The following CCDC18 variants were observed in gnomAD, a reference collection of about 807,000 sequenced individuals.
CCDC18 encodes the protein coiled-coil domain-containing protein 18.
A neutral mutation model predicts 196.0 loss-of-function variants in CCDC18; 157 were observed. That is an observed-to-expected ratio of 0.80 (90% CI 0.70 to 0.91). CCDC18 has a LOEUF of 0.91. CCDC18 is among the 40% of genes least tolerant of loss of function. CCDC18 has a pLI of 0.00. For synonymous variants in CCDC18, 482 were observed against 529.2 expected, an observed-to-expected ratio of 0.91 and a Z score of 1.22; for missense variants, 1,465 against 1,611.6, an observed-to-expected ratio of 0.91 and a Z score of 1.56.
chr1:93,196,235 G>C (rs1227063832), intron 6 of CCDC18, among the ~76,000 whole-genome samples: 1 of 152,112 alleles, frequency 6.6e-6, no homozygotes, highest in Non-Finnish European at 1.5e-5. Flanking sequence ...AGGTGAAAGG[G>C]ATTGCTTGAG....
intron 16 of CCDC18, among the ~76,000 whole-genome samples, chr1:93,224,006 G>C (rs779243308): frequency 6.6e-6 from 1 of 151,616 alleles, no homozygotes; most frequent in Non-Finnish European, 1.5e-5. Context: ...TTCAAACTCT[G>C]TTCAAATAAG....
chr1:93,183,440 C>T lies in CCDC18; in HGVS notation c.79C>T (p.His27Tyr). The T allele has an allele frequency of 6.2e-7, 1 of 1,607,492 alleles. No homozygotes were observed. The highest frequency in any genetic ancestry group is 8.5e-7 in the Non-Finnish European group (1 of 1,176,336). Residue 27 changes from histidine (H) to tyrosine (Y), a missense_variant, in exon 2 of 29, where the codon CAT becomes TAT. His to Tyr is a moderately conservative substitution (Grantham distance 83). Coordinates refer to ENST00000690025, the MANE Select transcript of CCDC18 (RefSeq NM_001378204.1). The part of the protein sequence containing the change: ...SLLANVASLR[H>Y]ELKITEWSLQ... ...GCTTGCAAATGTTGCTTCCTTAAGA[C>T]ATGAACTGAAGATAACAGAATGGAG... is the stretch of plus-strand genomic sequence containing the variant.
rs754530618 is a variant in CCDC18, at chr1:93,258,785, CT to C, written c.3586del (p.Ser1196LeufsTer8). 7.6e-6 allele frequency: 12 copies of C among 1,583,242 alleles called. No individual in the cohort carries two copies. The highest frequency in any genetic ancestry group is 9.4e-6 in the Non-Finnish European group (11 of 1,165,440). ...HGNHLAEELG[A>X]SKVREAHLEA... ...AACCATTTAGCTGAAGAACTGGGGG[CT>C]TCTAAAGTACGTGAAGCTCATTTAG... On this transcript the variant is annotated frameshift_variant, in exon 26 of 29. Transcript: ENST00000690025. LOFTEE classifies it high-confidence loss of function.
Position 93,217,883 on chromosome 1 carries a change from A to T in CCDC18, c.1962+14A>T. 6.3e-6 allele frequency: 10 copies of T among 1,587,902 alleles called. No homozygotes were observed. The highest frequency in any genetic ancestry group is 8.6e-6 in the Non-Finnish European group (10 of 1,163,430). The stretch of plus-strand genomic sequence containing the variant: ...CAGATTGAAAGAGTAAGTAATACAT[A>T]TTTAGAATATGAGTGCTGAAAAGAA... On this transcript the variant is annotated intron_variant, in intron 14 of 28. Transcript: ENST00000690025.
chr1:93,256,648 TG>T, intron 25 of CCDC18, 110 bp downstream of exon 25: 1 of 860,448 alleles, frequency 1.2e-6, no homozygotes, highest in Non-Finnish European at 1.8e-6. Flanking sequence ...TGCACAACAG[TG>T]TGAATGTACT....
intron 28 of CCDC18, among the ~76,000 whole-genome samples, chr1:93,272,655 G>A (rs1299859145): frequency 2.0e-5 from 3 of 152,192 alleles, no homozygotes; most frequent in Admixed American, 1.3e-4. Context: ...GCCTAACAAT[G>A]GGAATGAAAG....
Position 93,232,419 on chromosome 1 carries a change from T to TA in CCDC18, c.2293-7_2293-6insA. On this transcript the variant is annotated splice_polypyrimidine_tract_variant and splice_region_variant and intron_variant, in intron 17 of 28. Coordinates refer to ENST00000690025, the MANE Select transcript of CCDC18 (RefSeq NM_001378204.1). ...TGTATTGAGAGATATATATATATAT[T>TA]TGCCAGGTATATTGTTTACAGAAAG... The TA allele has an allele frequency of 6.7e-7, 1 of 1,494,374 alleles. No homozygotes were observed. The highest frequency in any genetic ancestry group is 9.2e-7 in the Non-Finnish European group (1 of 1,089,100). 92.6% of individuals were successfully genotyped at this position (1,494,374 alleles called of 1,614,324 possible).
intron 6 of CCDC18, among the ~76,000 whole-genome samples, chr1:93,198,834 C>G (rs1478106647): frequency 2.6e-5 from 4 of 152,038 alleles, no homozygotes; most frequent in Non-Finnish European, 5.9e-5. Flanking sequence ...TTTTTTTACA[C>G]ATGGGTCTCA....
intron 14 of CCDC18, among the ~76,000 whole-genome samples, chr1:93,219,534 C>CT (rs1657070781): frequency 6.6e-6 from 1 of 152,194 alleles, no homozygotes; most frequent in South Asian, 2.1e-4. Context: ...AAGATGGCTA[C>CT]TAAGTGACTA....
In CCDC18 at chr1:93,216,619, T is replaced by C. The variant is rs1246751328; in HGVS notation, c.1720-17T>C. On this transcript the variant is annotated splice_polypyrimidine_tract_variant and intron_variant, in intron 12 of 28. Transcript: ENST00000690025. The stretch of plus-strand genomic sequence containing the variant: ...CCTTTAAAAAATAATTTTACATTTA[T>C]TTCAATGTGTTTTCAGATGACAAAG... The C allele has an allele frequency of 4.0e-6, 5 of 1,246,952 alleles. No individual in the cohort carries two copies. The highest frequency in any genetic ancestry group is 1.4e-5 in the South Asian group (1 of 73,994). The allele number at this position is 1,246,952 out of a possible 1,614,324, so 77.2% of individuals were successfully genotyped here.
intron 17 of CCDC18, among the ~76,000 whole-genome samples, chr1:93,227,304 G>T (rs536238694): frequency 4.7e-5 from 7 of 149,502 alleles, no homozygotes; most frequent in Non-Finnish European, 7.4e-5. Context: ...GACTATAGGC[G>T]CATGCTGCCA....
intron 19 of CCDC18, among the ~76,000 whole-genome samples, 192 bp downstream of exon 19, chr1:93,236,582 T>G (rs1420277951): frequency 6.6e-6 from 1 of 152,200 alleles, no homozygotes; most frequent in Non-Finnish European, 1.5e-5. Flanking sequence ...AGTTTAATGC[T>G]TTTAACCTTC....
chr1:93,210,718 G>A, intron 9 of CCDC18, 84 bp from the exon 10 acceptor site: 1 of 963,842 alleles, frequency 1.0e-6, no homozygotes, highest in Non-Finnish European at 1.5e-6. Context: ...AATTCATACA[G>A]TTTTTAAAAT....
At chr1:93,250,503 ATG>A (rs1662096862) in intron 23 of CCDC18, among the ~76,000 whole-genome samples, 1 of 151,668 alleles carries the variant, frequency 6.6e-6, no homozygotes, top group African/African-American at 2.4e-5. Flanking sequence ...TTGAACTCTG[ATG>A]TTTCTTTGTT....
chr1:93,216,829 A>G, intron 13 of CCDC18, 83 bp downstream of exon 13: 1 of 646,506 alleles, frequency 1.5e-6, no homozygotes, highest in Admixed American at 3.4e-5. Context: ...TAGCATCATT[A>G]TTATAAAATA....
chr1:93,208,770 G>A (rs1056938168), intron 9 of CCDC18, among the ~76,000 whole-genome samples: 7 of 151,980 alleles, frequency 4.6e-5, no homozygotes, highest in Non-Finnish European at 7.4e-5. Flanking sequence ...GGATTCAAGC[G>A]ATTTTCCTGC....
At chr1:93,259,139 A>G (rs886757680) in intron 26 of CCDC18, among the ~76,000 whole-genome samples, 2 of 152,180 alleles carry the variant, frequency 1.3e-5, no homozygotes, top group African/African-American at 4.8e-5. Flanking sequence ...AAGTTACTTA[A>G]CCTGTGTCTA....
At chr1:93,258,429 T>C (rs1165158590) in intron 25 of CCDC18, among the ~76,000 whole-genome samples, 1 of 152,038 alleles carries the variant, frequency 6.6e-6, no homozygotes, top group African/African-American at 2.4e-5. Context: ...TGAGCAAAAA[T>C]ATACAGGCAT....
At position 93,216,935 on chromosome 1, in the gene CCDC18, C is replaced by CTTTTT. The variant is rs397980840; in HGVS notation, c.1830+202_1830+206dup. Among the ~76,000 whole-genome samples, 342 of 132,740 alleles carry CTTTTT rather than the reference C, an allele frequency of 2.6e-3. 3 individuals are homozygous for CTTTTT. Among genetic ancestry groups the CTTTTT allele is most frequent in the African/African-American group, 5.7e-3 (194 of 34,136 alleles). 87.1% of individuals were successfully genotyped at this position (132,740 alleles called of 152,430 possible). On this transcript the variant is annotated intron_variant, in intron 13 of 28. Coordinates refer to ENST00000690025, the MANE Select transcript of CCDC18 (RefSeq NM_001378204.1). ...ATATGGCAAGTTATCCAAGTTTTCTCTTTTTTTTTTTTTTTTTGAGACAGA... is the reference window on the plus strand; with the variant it reads ...ATATGGCAAGTTATCCAAGTTTTCTCTTTTTTTTTTTTTTTTTTTTTTGAGACAGA...
Sources: allele counts gnomAD v4.1 joint callset (sites outside exome capture counted in the v4.1 genomes callset), GRCh38; gene constraint gnomAD v4.1.1; transcripts MANE v1.5; gene names NCBI Gene and HGNC (gene_info 2026-07-23, HGNC 2026-07-21).